Variants in CPA6 observed in about 807,000 individuals in gnomAD.
CPA6 encodes the protein carboxypeptidase A6.
In CPA6, 58 loss-of-function variants were observed where a neutral mutation model predicts 63.3. The observed-to-expected ratio is 0.92, with a 90% CI of 0.74 to 1.14. The LOEUF (loss-of-function observed/expected upper bound fraction) is 1.14. CPA6 is among the 50% of genes most tolerant of loss of function. The probability of loss-of-function intolerance (pLI) is 0.00; values close to 1 mark genes in which losing one functional copy is unlikely to be tolerated. For missense variants in CPA6, 565 were observed against 526.6 expected, an observed-to-expected ratio of 1.07 and a Z score of -0.71; for synonymous variants, 185 against 179.0, an observed-to-expected ratio of 1.03 and a Z score of -0.27.
chr8:67,462,424 T>C (rs1014078514), intron 8 of CPA6, among the ~76,000 whole-genome samples: 6 of 152,230 alleles, frequency 3.9e-5, no homozygotes, highest in Admixed American at 3.3e-4. Flanking sequence ...CTGTTGAGCA[T>C]TTGGAATGCT....
chr8:67,457,774 G>C (rs1810709224), intron 8 of CPA6, among the ~76,000 whole-genome samples: 1 of 152,054 alleles, frequency 6.6e-6, no homozygotes, highest in African/African-American at 2.4e-5. Context: ...AGCCCCTACT[G>C]ATCGAACATT....
intron 1 of CPA6, among the ~76,000 whole-genome samples, chr8:67,738,485 T>C (rs1463719593): frequency 6.6e-6 from 1 of 152,188 alleles, no homozygotes; most frequent in East Asian, 1.9e-4. Context: ...GAGAAATGGA[T>C]TTGTTTAAGC....
chr8:67,669,819 A>G (rs571897429), intron 1 of CPA6, among the ~76,000 whole-genome samples: 1 of 151,490 alleles, frequency 6.6e-6, no homozygotes, highest in Admixed American at 6.6e-5. Flanking sequence ...ACCCCAAAAA[A>G]CAGAGCATCT....
At chr8:67,614,650 T>A (rs1245614869) in intron 2 of CPA6, among the ~76,000 whole-genome samples, 1 of 152,190 alleles carries the variant, frequency 6.6e-6, no homozygotes, top group East Asian at 1.9e-4. Context: ...CCCCATTTTG[T>A]CTACATGCAG....
chr8:67,475,656 C>T (rs1811155535), intron 8 of CPA6, among the ~76,000 whole-genome samples: 1 of 152,150 alleles, frequency 6.6e-6, no homozygotes, highest in Admixed American at 6.5e-5. Flanking sequence ...GAGCAAGACC[C>T]AGACACACAC....
Position 67,660,220 on chromosome 8 carries a change from G to A in CPA6, c.117-35969C>T, listed in dbSNP as rs535099383. 1.3e-4 allele frequency among the ~76,000 whole-genome samples: 20 copies of A among 151,368 alleles called. No individual in the cohort carries two copies. In the South Asian group the frequency reaches 3.5e-3, roughly 27 times the overall value. ...TTTGGGCAGATTTTTTGTGCCCCAG[G>A]TTTCTCTGGAGATTATTATATCTAC... On this transcript the variant is annotated intron_variant, in intron 1 of 10. Transcript: ENST00000297770.
chr8:67,553,651 G>A (rs1430112458), intron 2 of CPA6, among the ~76,000 whole-genome samples: 2 of 152,098 alleles, frequency 1.3e-5, no homozygotes, highest in East Asian at 3.9e-4. Flanking sequence ...TTCCTCTTGA[G>A]TCTCAAGATT....
chr8:67,746,122 C>T lies in CPA6; in HGVS notation c.8G>A (p.Cys3Tyr), dbSNP rs1173938937. 1 of 1,612,864 alleles carries T rather than the reference C, an allele frequency of 6.2e-7. No homozygotes were observed. ...TGCCTGGCCCCTGCGCTTCCCGAGA[C>T]ACTTCATAGTGTTAAGAAGAGAGGA... MKCLGKRRGQAAA... is the reference protein window; with the variant it reads MKYLGKRRGQAAA... Residue 3 changes from cysteine to tyrosine, a missense_variant, in exon 1 of 11, where the codon TGT (cysteine) becomes TAT (tyrosine). By Grantham distance (194) the Cys-to-Tyr change is radical. Transcript: ENST00000297770.
chr8:67,493,922 C>T (rs1024032543), intron 6 of CPA6, among the ~76,000 whole-genome samples: 5 of 152,066 alleles, frequency 3.3e-5, no homozygotes, highest in African/African-American at 1.2e-4. Context: ...TTCACAAGCC[C>T]TTGCTTTATC....
intron 2 of CPA6, among the ~76,000 whole-genome samples, chr8:67,589,582 G>T (rs1337667079): frequency 6.6e-6 from 1 of 152,090 alleles, no homozygotes. Context: ...AGTTATAGGG[G>T]TCTTATCATC....
At chr8:67,508,551 G>A (rs1316124179) in intron 5 of CPA6, among the ~76,000 whole-genome samples, 2 of 152,130 alleles carry the variant, frequency 1.3e-5, no homozygotes, top group Non-Finnish European at 2.9e-5. Flanking sequence ...GATTCTCAGG[G>A]ATTACCTGAA....
At chr8:67,557,496 T>C (rs565077404) in intron 2 of CPA6, among the ~76,000 whole-genome samples, 1 of 152,204 alleles carries the variant, frequency 6.6e-6, no homozygotes, top group Admixed American at 6.5e-5. Flanking sequence ...GTAGCAGCAG[T>C]TGGATTCAAT....
intron 1 of CPA6, among the ~76,000 whole-genome samples, chr8:67,681,234 G>A (rs549170131): frequency 2.1e-4 from 14 of 65,500 alleles, no homozygotes; most frequent in African/African-American, 1.2e-3. Context: ...ACGGAGTCTC[G>A]CTCTGTCGCC....
Position 67,746,288 on chromosome 8 carries a change from GAA to G in CPA6, c.-161_-160del. 2.1e-6 allele frequency: 1 copy of G among 475,878 alleles called. No individual in the cohort carries two copies. Among genetic ancestry groups the G allele is most frequent in the Non-Finnish European group, 3.8e-6 (1 of 261,736 alleles). 29.5% of individuals were successfully genotyped at this position (475,878 alleles called of 1,614,324 possible). A position where few individuals can be genotyped will look rare whatever the true frequency, so the allele number is the denominator to read the frequency against. On this transcript the variant is annotated 5_prime_UTR_variant, in exon 1 of 11. Transcript: ENST00000297770. ...GTGACACTTCTCTCCAGCTACAAGGGAAAAAAAAAGTTCAGGCAGCTGAGGAA... is the reference window on the plus strand; with the variant it reads ...GTGACACTTCTCTCCAGCTACAAGGGAAAAAAAGTTCAGGCAGCTGAGGAA...
At chr8:67,619,038 C>T (rs1056851671) in intron 2 of CPA6, among the ~76,000 whole-genome samples, 1 of 152,214 alleles carries the variant, frequency 6.6e-6, no homozygotes, top group Non-Finnish European at 1.5e-5. Flanking sequence ...AGCTTTGTAA[C>T]AGCAGTTCTA....
rs563785141 is a variant in CPA6, at chr8:67,504,017, T to C, written c.636+2770A>G. The stretch of plus-strand genomic sequence containing the variant: ...ACACATGCGTTGTATTATTTAATCC[T>C]CCCAATAAGCCAATGTGTTACATAC... On this transcript the variant is annotated intron_variant, in intron 6 of 10. Coordinates refer to ENST00000297770, the MANE Select transcript of CPA6 (RefSeq NM_020361.5). 2.1e-4 allele frequency among the ~76,000 whole-genome samples: 32 copies of C among 152,294 alleles called. No individual in the cohort carries two copies. In the South Asian group the frequency reaches 6.2e-3, roughly 30 times the overall value.
chr8:67,585,841 C>T (rs182845241), intron 2 of CPA6, among the ~76,000 whole-genome samples: 88 of 152,160 alleles, frequency 5.8e-4, no homozygotes, highest in African/African-American at 1.9e-3. Flanking sequence ...AAGAGTTCTT[C>T]TACTAGATTA....
chr8:67,468,742 A>G (rs1810987812), intron 8 of CPA6, among the ~76,000 whole-genome samples: 1 of 152,178 alleles, frequency 6.6e-6, no homozygotes, highest in Middle Eastern at 3.2e-3. Flanking sequence ...CATGGCTTCT[A>G]GAATAAAATC....
At chr8:67,715,846 A>C (rs1817365709) in intron 1 of CPA6, among the ~76,000 whole-genome samples, 2 of 152,186 alleles carry the variant, frequency 1.3e-5, no homozygotes, top group South Asian at 4.1e-4. Context: ...CTTGTAAAGA[A>C]ATTGGATGTT....
Sources: allele counts gnomAD v4.1 joint callset (sites outside exome capture counted in the v4.1 genomes callset), GRCh38; gene constraint gnomAD v4.1.1; transcripts MANE v1.5; gene names NCBI Gene and HGNC (gene_info 2026-07-23, HGNC 2026-07-21).